THSD7A: variants seen among roughly 807,000 people sequenced by gnomAD.
THSD7A encodes the protein thrombospondin type 1 domain containing 7A.
THSD7A carries 96 observed loss-of-function variants against 231.3 expected under a neutral mutation model. The observed-to-expected ratio is 0.41, with a 90% confidence interval of 0.35 to 0.49. THSD7A has a LOEUF of 0.49. THSD7A is among the 20% of genes least tolerant of loss of function. The pLI is 0.05. For synonymous variants in THSD7A, 940 were observed against 743.3 expected (o/e 1.26, Z -4.30); for missense variants, 2,290 against 2,070.2 (o/e 1.11, Z -2.06).
intron 1 of THSD7A, among the ~76,000 whole-genome samples, chr7:11,771,851 G>A (rs1783241301): frequency 2.6e-5 from 4 of 152,126 alleles, no homozygotes; most frequent in Admixed American, 2.6e-4. Flanking sequence ...CTGTTCTTGT[G>A]ACGGTGAGTG....
intron 13 of THSD7A, among the ~76,000 whole-genome samples, chr7:11,441,898 G>T (rs1784817766): frequency 6.6e-6 from 1 of 151,906 alleles, no homozygotes; most frequent in Admixed American, 6.6e-5. Context: ...AGGTTGATGG[G>T]TGCAGCAAAC....
chr7:11,775,537 G>A (rs772606972), intron 1 of THSD7A, among the ~76,000 whole-genome samples: 14 of 152,118 alleles, frequency 9.2e-5, no homozygotes, highest in Non-Finnish European at 1.9e-4. Context: ...ATTGTGATGC[G>A]TGCTACAACA....
intron 7 of THSD7A, among the ~76,000 whole-genome samples, chr7:11,481,491 GA>G (rs1445427138): frequency 6.6e-6 from 1 of 152,080 alleles, no homozygotes; most frequent in Non-Finnish European, 1.5e-5. Flanking sequence ...GCCATTTTCA[GA>G]CCTTCTTAAA....
rs968447332 is a variant in THSD7A, at chr7:11,668,093, G to A, written c.191-31132C>T. On this transcript the variant is annotated intron_variant, in intron 1 of 27. Coordinates refer to ENST00000423059, the MANE Select transcript of THSD7A (RefSeq NM_015204.3). ...GAAGTACCTGTCTTTTAAGCCTAGT[G>A]GAGTGCTCTTTTTACTCTGGATGTG... Among the ~76,000 whole-genome samples the A allele has an allele frequency of 4.6e-5, 7 of 151,794 alleles. No homozygotes were observed. In the South Asian group the frequency reaches 1.5e-3, roughly 32 times the overall value.
chr7:11,426,070 A>C (rs1246190325), intron 15 of THSD7A, among the ~76,000 whole-genome samples: 5 of 122,876 alleles, frequency 4.1e-5, no homozygotes, highest in Non-Finnish European at 8.7e-5. Flanking sequence ...AAAAAAAAAA[A>C]CATTAAAAAA....
rs1783621276 is a variant in THSD7A, at chr7:11,407,389, G to A, written c.3833C>T (p.Ser1278Phe). 1 of 1,613,382 alleles carries A rather than the reference G, an allele frequency of 6.2e-7. No individual in the cohort carries two copies. The highest frequency in any genetic ancestry group is 1.3e-5 in the African/African-American group (1 of 74,900). ...GTTCACAGGGCATTCCACCATGCAG[G>A]ACGTGTTCATCTGCCAGTTCTTCTC... ...GLEKNWQMNT[S>F]CMVECPVNCQ... Residue 1278 changes from serine to phenylalanine, a missense_variant, in exon 20 of 28, where the codon TCC (serine) becomes TTC (phenylalanine). By Grantham distance (155) the Ser-to-Phe change is radical. Transcript: ENST00000423059.
At chr7:11,671,074 C>G (rs1235612690) in intron 1 of THSD7A, among the ~76,000 whole-genome samples, 7 of 152,112 alleles carry the variant, frequency 4.6e-5, no homozygotes, top group Non-Finnish European at 1.0e-4. Context: ...TAATGAAGAG[C>G]TCTGCTGCCA....
chr7:11,574,580 G>T (rs185420944), intron 4 of THSD7A, among the ~76,000 whole-genome samples: 1 of 149,706 alleles, frequency 6.7e-6, no homozygotes, highest in Non-Finnish European at 1.5e-5. Flanking sequence ...GACTACAGGC[G>T]CCCACCACCA....
intron 6 of THSD7A, among the ~76,000 whole-genome samples, chr7:11,511,846 G>A (rs530626112): frequency 6.6e-6 from 1 of 152,104 alleles, no homozygotes; most frequent in Non-Finnish European, 1.5e-5. Flanking sequence ...AGAAAACCTA[G>A]GCAATACCAT....
intron 13 of THSD7A, among the ~76,000 whole-genome samples, chr7:11,443,055 G>A (rs1419625478): frequency 2.0e-5 from 3 of 152,028 alleles, no homozygotes; most frequent in Non-Finnish European, 4.4e-5. Flanking sequence ...ACATTTCTGT[G>A]AGTCACAGAA....
At chr7:11,743,935 T>A (rs1299470568) in intron 1 of THSD7A, among the ~76,000 whole-genome samples, 1 of 151,924 alleles carries the variant, frequency 6.6e-6, no homozygotes, top group Non-Finnish European at 1.5e-5. Flanking sequence ...TAACTTTTAA[T>A]TAGCACTTAC....
intron 23 of THSD7A, among the ~76,000 whole-genome samples, chr7:11,390,838 T>TAACA (rs1341823117): frequency 6.6e-6 from 1 of 152,226 alleles, no homozygotes; most frequent in Non-Finnish European, 1.5e-5. Flanking sequence ...ATTTTTCTTC[T>TAACA]AACAATCAGA....
intron 13 of THSD7A, among the ~76,000 whole-genome samples, chr7:11,432,087 A>G (rs77725365): frequency 0.1 from 15,807 of 152,134 alleles, 1,260 homozygotes; most frequent in African/African-American, 0.23. Context: ...AGTATTTCCT[A>G]GCCTTGCCTA....
Position 11,411,063 on chromosome 7 carries a change from T to C in THSD7A, c.3798+144A>G. 1.7e-6 allele frequency: 1 copy of C among 595,900 alleles called. No individual in the cohort carries two copies. Among genetic ancestry groups the C allele is most frequent in the South Asian group, 2.3e-5 (1 of 43,260 alleles). The allele number at this position is 595,900 out of a possible 1,614,324, so 36.9% of individuals were successfully genotyped here. A position where few individuals can be genotyped will look rare whatever the true frequency, so the allele number is the denominator to read the frequency against. On this transcript the variant is annotated intron_variant, in intron 19 of 27. Transcript: ENST00000423059. This position sits in a 1 kb window ranked among gnomAD's most constrained non-coding sequence, Gnocchi z 4.1. Reference sequence around the variant, plus strand: ...CAGTAGTGTTGGACATTGTGTCTTTTCAAGAACATACTTAGCCTGTGAACA... The same window carrying C: ...CAGTAGTGTTGGACATTGTGTCTTTCCAAGAACATACTTAGCCTGTGAACA...
chr7:11,728,431 T>C (rs1327756361), intron 1 of THSD7A, among the ~76,000 whole-genome samples: 8 of 151,902 alleles, frequency 5.3e-5, no homozygotes, highest in Admixed American at 3.3e-4. Context: ...AACAAATATA[T>C]GACTTGAAAA....
intron 1 of THSD7A, among the ~76,000 whole-genome samples, chr7:11,803,972 TTTGTA>T (rs1784340814): frequency 6.6e-6 from 1 of 152,120 alleles, no homozygotes; most frequent in African/African-American, 2.4e-5. Flanking sequence ...CAAATACAGT[TTTGTA>T]TGTATTTGTA....
At chr7:11,615,977 T>G (rs924710244) in intron 2 of THSD7A, among the ~76,000 whole-genome samples, 1 of 152,206 alleles carries the variant, frequency 6.6e-6, no homozygotes, top group African/African-American at 2.4e-5. Context: ...TTTGTTTTAC[T>G]GTGTACAGAG....
At chr7:11,487,960 CT>C (rs1390825471) in intron 6 of THSD7A, among the ~76,000 whole-genome samples, 3 of 152,108 alleles carry the variant, frequency 2.0e-5, no homozygotes, top group Non-Finnish European at 4.4e-5. Flanking sequence ...AAATGTGCAA[CT>C]TTTATGGTTG....
At chr7:11,545,992 T>C (rs67541992) in intron 4 of THSD7A, among the ~76,000 whole-genome samples, 22,521 of 152,108 alleles carry the variant, frequency 0.15, 1,777 homozygotes, top group Admixed American at 0.18. Flanking sequence ...GGTAACTGCC[T>C]GGCCTTGTAC....
Sources: gnomAD v4.1 joint callset for allele counts (sites outside exome capture counted in the v4.1 genomes callset) on GRCh38, gnomAD v4.1.1 for gene constraint, Gnocchi (gnomAD v3.1) non-coding constraint, MANE v1.5 for transcripts, NCBI Gene and HGNC (gene_info 2026-07-23, HGNC 2026-07-21) for gene names.